The following SHROOM3 variants were observed in gnomAD, a reference collection of about 807,000 sequenced individuals.
The protein encoded by SHROOM3 is shroom family member 3.
A neutral mutation model predicts 138.6 loss-of-function variants in SHROOM3; 47 were observed. The ratio of observed to expected loss-of-function variants is 0.34; its 90% CI spans 0.27 to 0.43. The LOEUF is 0.43. Ranked by LOEUF, SHROOM3 falls within the 20% of genes least tolerant of loss-of-function variation. The probability of loss-of-function intolerance (pLI) is 1.00; values close to 1 mark genes in which losing one functional copy is unlikely to be tolerated. For missense variants in SHROOM3, 2,491 were observed against 2,596.5 expected (o/e 0.96, Z 0.88); for synonymous variants, 1,062 against 1,063.3 (o/e 1.00, Z 0.02).
Position 76,521,748 on chromosome 4 carries a change from AC to A in SHROOM3, c.169-33860del, listed in dbSNP as rs113267504. ...TGTGGGTTTCAGTATAGATCACTGT[AC>A]TTTATAAACCTCTCATTCATTCATT... On this transcript the variant is annotated intron_variant, in intron 1 of 10. Coordinates refer to ENST00000296043, the MANE Select transcript of SHROOM3 (RefSeq NM_020859.4). Among the ~76,000 whole-genome samples the A allele has an allele frequency of 1.5e-3, 233 of 152,316 alleles. 1 individual carries two copies. The highest frequency in any genetic ancestry group is 5.4e-3 in the African/African-American group (224 of 41,576).
chr4:76,635,084 C>A (rs370849273), intron 2 of SHROOM3, among the ~76,000 whole-genome samples: 5 of 152,234 alleles, frequency 3.3e-5, no homozygotes, highest in African/African-American at 9.6e-5. Context: ...AACCTCCTGT[C>A]TTTATTAAGC....
intron 1 of SHROOM3, among the ~76,000 whole-genome samples, chr4:76,485,467 C>T (rs1731710050): frequency 6.6e-6 from 1 of 152,108 alleles, no homozygotes. Context: ...GAACTTATCC[C>T]TTATGAATGC....
intron 1 of SHROOM3, among the ~76,000 whole-genome samples, chr4:76,451,147 G>C (rs1223919796): frequency 6.6e-6 from 1 of 152,004 alleles, no homozygotes; most frequent in South Asian, 2.1e-4. Flanking sequence ...ATGGGGCTTC[G>C]CCATGTTGGC....
intron 1 of SHROOM3, among the ~76,000 whole-genome samples, chr4:76,454,094 A>G (rs1730979692): frequency 6.6e-6 from 1 of 152,120 alleles, no homozygotes; most frequent in South Asian, 2.1e-4. Flanking sequence ...CTCAGGCTGG[A>G]GTGCAGTGGC....
intron 2 of SHROOM3, among the ~76,000 whole-genome samples, chr4:76,685,503 G>A (rs1336496065): frequency 1.3e-5 from 2 of 152,200 alleles, no homozygotes; most frequent in African/African-American, 2.4e-5. Context: ...GCTTGGTATA[G>A]ATGAACCAGG....
At chr4:76,705,938 T>TA (rs1420778666) in intron 2 of SHROOM3, among the ~76,000 whole-genome samples, 1 of 152,176 alleles carries the variant, frequency 6.6e-6, no homozygotes, top group Non-Finnish European at 1.5e-5. Context: ...TTGGGGATGC[T>TA]AACCCCCTAG....
chr4:76,507,180 G>A (rs1376236054), intron 1 of SHROOM3, among the ~76,000 whole-genome samples: 4 of 152,304 alleles, frequency 2.6e-5, no homozygotes, highest in South Asian at 4.1e-4. Context: ...AATCACCTTT[G>A]TTGGTCCATG....
At chr4:76,532,290 C>T (rs1732849055) in intron 1 of SHROOM3, 1 of 152,282 alleles carries the variant, frequency 6.6e-6, no homozygotes, top group African/African-American at 2.4e-5. Context: ...TTCTCTGTAA[C>T]ATTCCAATTT....
At chr4:76,706,238 C>G (rs557963191) in intron 2 of SHROOM3, among the ~76,000 whole-genome samples, 1 of 152,210 alleles carries the variant, frequency 6.6e-6, no homozygotes, top group African/African-American at 2.4e-5. Flanking sequence ...CCTTAGCCTC[C>G]CGAGTGGCTG....
At chr4:76,446,418 G>A (rs1043026719) in intron 1 of SHROOM3, among the ~76,000 whole-genome samples, 7 of 128,476 alleles carry the variant, frequency 5.4e-5, no homozygotes, top group African/African-American at 1.5e-4. Context: ...GTGAAATGGC[G>A]GCGGTGGGGG....
intron 3 of SHROOM3, among the ~76,000 whole-genome samples, chr4:76,716,747 A>T (rs1369320905): frequency 1.3e-5 from 2 of 152,142 alleles, no homozygotes; most frequent in East Asian, 3.9e-4. Flanking sequence ...TGTGTACCTC[A>T]CGGTTTTCCT....
In SHROOM3 at chr4:76,490,570, A is replaced by C. The variant is rs114926932; in HGVS notation, c.168+54350A>C. 6.8e-3 allele frequency among the ~76,000 whole-genome samples: 1,036 copies of C among 152,096 alleles called. 11 individuals are homozygous for C. The highest frequency in any genetic ancestry group is 0.024 in the African/African-American group (988 of 41,488). On this transcript the variant is annotated intron_variant, in intron 1 of 10. Coordinates refer to ENST00000296043, the MANE Select transcript of SHROOM3 (RefSeq NM_020859.4). ...GCACCCGGCTGCTTCTGGTCCTTTT[A>C]TTACTTAGGCATGAAAAGTTAGGGT...
At chr4:76,594,297 C>T (rs1577906768) in intron 2 of SHROOM3, among the ~76,000 whole-genome samples, 1 of 152,294 alleles carries the variant, frequency 6.6e-6, no homozygotes, top group East Asian at 1.9e-4. Flanking sequence ...TATTATTACA[C>T]TTTATTGCCC....
chr4:76,614,403 G>A (rs922108270), intron 2 of SHROOM3, among the ~76,000 whole-genome samples: 1 of 152,154 alleles, frequency 6.6e-6, no homozygotes, highest in Non-Finnish European at 1.5e-5. Context: ...GAGGACTGGG[G>A]CAAATGGAGG....
chr4:76,750,804 C>T (rs1380769827), intron 6 of SHROOM3, among the ~76,000 whole-genome samples: 2 of 148,392 alleles, frequency 1.3e-5, no homozygotes, highest in African/African-American at 5.0e-5. Context: ...AAAATTAGTT[C>T]TGTGTTTAAA....
intron 2 of SHROOM3, among the ~76,000 whole-genome samples, chr4:76,611,715 G>T (rs1216182099): frequency 6.6e-6 from 1 of 152,132 alleles, no homozygotes; most frequent in Non-Finnish European, 1.5e-5. Context: ...TTTACCTAGT[G>T]TGCACGCCAT....
Position 76,555,556 on chromosome 4 carries a change from C to T in SHROOM3, c.169-53C>T, listed in dbSNP as rs997020823. The T allele has an allele frequency of 2.5e-6, 4 of 1,610,204 alleles. No homozygotes were observed. The Admixed American group carries it at 6.7e-5, about 27-fold the overall frequency. On this transcript the variant is annotated intron_variant, in intron 1 of 10. Coordinates refer to ENST00000296043, the MANE Select transcript of SHROOM3 (RefSeq NM_020859.4). ...CTGGGCTCGGGATAGCCGGACAGAC[C>T]CCAGGCCAGGGGAAAGCTCACTCGT...
At chr4:76,536,930 T>C (rs764273001) in intron 1 of SHROOM3, among the ~76,000 whole-genome samples, 1 of 152,100 alleles carries the variant, frequency 6.6e-6, no homozygotes, top group Admixed American at 6.5e-5. Context: ...CTGGCAAACA[T>C]GGTGAAACCC....
At chr4:76,652,159 C>G (rs968473549) in intron 2 of SHROOM3, among the ~76,000 whole-genome samples, 6 of 152,084 alleles carry the variant, frequency 3.9e-5, no homozygotes, top group African/African-American at 1.2e-4. Context: ...GCAAACTTAC[C>G]TGGTGTTGGC....
Sources: gnomAD v4.1 joint callset for allele counts (sites outside exome capture counted in the v4.1 genomes callset) on GRCh38, gnomAD v4.1.1 for gene constraint, MANE v1.5 for transcripts, NCBI Gene and HGNC (gene_info 2026-07-23, HGNC 2026-07-21) for gene names.